Variants in ERBB4 observed in about 807,000 individuals in gnomAD.
ERBB4 encodes receptor tyrosine-protein kinase erbB-4.
A neutral mutation model predicts 158.0 loss-of-function variants in ERBB4; 42 were observed. That is an observed-to-expected ratio of 0.27 (90% CI 0.21 to 0.34). ERBB4 has a LOEUF of 0.34. Ranked by LOEUF, ERBB4 falls within the 10% of genes least tolerant of loss-of-function variation. ERBB4 has a pLI of 1.00. For synonymous variants in ERBB4, 583 were observed against 558.7 expected (o/e 1.04, Z -0.61); for missense variants, 1,333 against 1,624.1 (o/e 0.82, Z 3.08).
At chr2:211,430,882 T>C in intron 21 of ERBB4, 63 bp downstream of exon 21, 1 of 1,353,804 alleles carries the variant, frequency 7.4e-7, no homozygotes, top group Non-Finnish European at 1.1e-6. Context: ...GTATAAAATA[T>C]AAGGAGATAA....
At chr2:211,888,703 G>C (rs909791820) in intron 3 of ERBB4, among the ~76,000 whole-genome samples, 1 of 152,082 alleles carries the variant, frequency 6.6e-6, no homozygotes, top group Non-Finnish European at 1.5e-5. Flanking sequence ...CACCGTGCGC[G>C]AGCCGAAGCA....
At chr2:212,514,535 G>C (rs184709719) in intron 1 of ERBB4, among the ~76,000 whole-genome samples, 74 of 152,216 alleles carry the variant, frequency 4.9e-4, no homozygotes, top group African/African-American at 1.6e-3. Flanking sequence ...GGCTGGGCAC[G>C]GTGGCTCATG....
At chr2:212,256,026 G>T (rs1179165835) in intron 1 of ERBB4, among the ~76,000 whole-genome samples, 1 of 148,672 alleles carries the variant, frequency 6.7e-6, no homozygotes, top group Non-Finnish European at 1.5e-5. Flanking sequence ...ATGGGGGGGG[G>T]TCTCACTCTG....
chr2:212,415,427 T>C (rs1350924025), intron 1 of ERBB4, among the ~76,000 whole-genome samples: 3 of 152,182 alleles, frequency 2.0e-5, no homozygotes, highest in Non-Finnish European at 2.9e-5. Flanking sequence ...TCTGTTTGTG[T>C]GTGTCACTTA....
intron 2 of ERBB4, among the ~76,000 whole-genome samples, chr2:211,965,652 A>G (rs1205156917): frequency 6.6e-6 from 1 of 152,156 alleles, no homozygotes; most frequent in Non-Finnish European, 1.5e-5. Flanking sequence ...GAAACTAGAA[A>G]AATAAAATAA....
intron 1 of ERBB4, among the ~76,000 whole-genome samples, chr2:212,491,735 C>T (rs1177831224): frequency 6.6e-6 from 1 of 151,368 alleles, no homozygotes; most frequent in African/African-American, 2.4e-5. Flanking sequence ...ATGCTCATCC[C>T]TCAGTTTCTA....
At chr2:212,250,509 T>A (rs1311632305) in intron 1 of ERBB4, among the ~76,000 whole-genome samples, 1 of 151,970 alleles carries the variant, frequency 6.6e-6, no homozygotes, top group East Asian at 1.9e-4. Flanking sequence ...ATAAATGAGA[T>A]TGCGAGATAT....
intron 3 of ERBB4, among the ~76,000 whole-genome samples, chr2:211,853,021 C>G (rs912067745): frequency 7.9e-5 from 12 of 151,982 alleles, no homozygotes; most frequent in African/African-American, 2.7e-4. Flanking sequence ...ACTACTGGAT[C>G]TAGTTCTGTC....
At chr2:211,861,470 T>C (rs1415976480) in intron 3 of ERBB4, among the ~76,000 whole-genome samples, 4 of 150,818 alleles carry the variant, frequency 2.7e-5, no homozygotes, top group Non-Finnish European at 5.9e-5. Flanking sequence ...CTCGAAGTGC[T>C]AGGATTACAG....
At chr2:212,330,579 C>T (rs2088089149) in intron 1 of ERBB4, among the ~76,000 whole-genome samples, 2 of 151,984 alleles carry the variant, frequency 1.3e-5, no homozygotes, top group South Asian at 4.1e-4. Flanking sequence ...CACCACTGCA[C>T]TCCAGCCTGG....
intron 15 of ERBB4, 111 bp from the exon 16 acceptor site, chr2:211,657,939 A>G: frequency 6.2e-7 from 1 of 1,609,290 alleles, no homozygotes; most frequent in Non-Finnish European, 8.5e-7. Flanking sequence ...GGAAGCAAGC[A>G]CACCAAGTAC....
chr2:212,271,482 G>A (rs1404194695), intron 1 of ERBB4, among the ~76,000 whole-genome samples: 1 of 151,638 alleles, frequency 6.6e-6, no homozygotes, highest in Non-Finnish European at 1.5e-5. Context: ...TTCATTTTAT[G>A]TTAATAAATT....
intron 20 of ERBB4, among the ~76,000 whole-genome samples, chr2:211,452,231 G>A (rs2064264656): frequency 6.6e-6 from 1 of 152,136 alleles, no homozygotes; most frequent in Non-Finnish European, 1.5e-5. Flanking sequence ...AGGCTGGAGT[G>A]CAATGGCGCG....
chr2:212,305,692 C>G (rs945312417), intron 1 of ERBB4, among the ~76,000 whole-genome samples: 1 of 151,140 alleles, frequency 6.6e-6, no homozygotes, highest in Non-Finnish European at 1.5e-5. Context: ...AAAATATCAC[C>G]ACAAAATAAC....
At chr2:212,226,597 T>G (rs77481262) in intron 1 of ERBB4, among the ~76,000 whole-genome samples, 1 of 152,138 alleles carries the variant, frequency 6.6e-6, no homozygotes, top group Non-Finnish European at 1.5e-5. Context: ...CTGATAAACT[T>G]GTTACTTGCT....
chr2:212,001,278 T>C (rs1326188740), intron 2 of ERBB4, among the ~76,000 whole-genome samples: 1 of 152,140 alleles, frequency 6.6e-6, no homozygotes, highest in Non-Finnish European at 1.5e-5. Flanking sequence ...CAATAGGCAA[T>C]ACCCTTAAAC....
intron 1 of ERBB4, among the ~76,000 whole-genome samples, chr2:212,281,401 T>C (rs112176483): frequency 2.4e-4 from 36 of 151,956 alleles, no homozygotes; most frequent in African/African-American, 7.9e-4. Context: ...CTAAGACTTC[T>C]AAACAAATGC....
intron 1 of ERBB4, among the ~76,000 whole-genome samples, chr2:212,305,034 TG>T (rs1245884859): frequency 6.6e-6 from 1 of 151,324 alleles, no homozygotes; most frequent in Non-Finnish European, 1.5e-5. Flanking sequence ...TAAAATATTT[TG>T]TTCATATAAA....
intron 20 of ERBB4, among the ~76,000 whole-genome samples, chr2:211,490,694 G>A (rs1325412436): frequency 1.3e-5 from 2 of 151,954 alleles, no homozygotes; most frequent in African/African-American, 4.8e-5. Context: ...GAAGAAGTAT[G>A]GGAGAACTAA....
Sources: allele counts gnomAD v4.1 joint callset (sites outside exome capture counted in the v4.1 genomes callset), GRCh38; gene constraint gnomAD v4.1.1; transcripts MANE v1.5; gene names NCBI Gene and HGNC (gene_info 2026-07-23, HGNC 2026-07-21).